Variants in ANO6 observed in about 807,000 individuals in gnomAD.
ANO6 encodes the protein anoctamin-6.
A neutral mutation model predicts 117.5 loss-of-function variants in ANO6; 106 were observed. The ratio of observed to expected loss-of-function variants is 0.90; its 90% CI spans 0.77 to 1.06. ANO6 has a LOEUF of 1.06. Among genes scored for constraint, ANO6 ranks in the 50% least tolerant of loss-of-function variants. The probability of loss-of-function intolerance (pLI) is 0.00; values close to 1 mark genes in which losing one functional copy is unlikely to be tolerated. For synonymous variants in ANO6, 367 were observed against 385.1 expected, an observed-to-expected ratio of 0.95 and a Z score of 0.55; for missense variants, 955 against 1,121.1, an observed-to-expected ratio of 0.85 and a Z score of 2.12.
intron 8 of ANO6, among the ~76,000 whole-genome samples, chr12:45,360,234 G>T (rs1273926704): frequency 6.6e-6 from 1 of 152,200 alleles, no homozygotes; most frequent in African/African-American, 2.4e-5. Flanking sequence ...GTAAAGAATA[G>T]AAATCTACTT....
At chr12:45,349,346 T>G (rs1162443753) in intron 6 of ANO6, among the ~76,000 whole-genome samples, 4 of 152,118 alleles carry the variant, frequency 2.6e-5, no homozygotes, top group African/African-American at 4.8e-5. Flanking sequence ...ATGGTTGACA[T>G]TTTTTTAAGG....
At chr12:45,238,151 C>CTTTTTTTT (rs71437709) in intron 1 of ANO6, among the ~76,000 whole-genome samples, 10 of 130,870 alleles carry the variant, frequency 7.6e-5, no homozygotes, top group South Asian at 2.5e-4. Context: ...TTTTCTTTTT[C>CTTTTTTTT]TTTTTTTTTT....
At position 45,348,651 on chromosome 12, in the gene ANO6, T is replaced by A; in HGVS notation, c.747+20T>A. On this transcript the variant is annotated intron_variant, in intron 6 of 19. Transcript: ENST00000320560. Reference sequence around the variant, plus strand: ...CATGATGTAAGTTAAAAGGCAAAAATGAACTAAAAGGCCTTCTGTATACTC... The same window carrying A: ...CATGATGTAAGTTAAAAGGCAAAAAAGAACTAAAAGGCCTTCTGTATACTC... The A allele has an allele frequency of 6.3e-7, 1 of 1,586,932 alleles. No homozygotes were observed. Among genetic ancestry groups the A allele is most frequent in the Non-Finnish European group, 8.7e-7 (1 of 1,155,354 alleles).
intron 9 of ANO6, among the ~76,000 whole-genome samples, chr12:45,377,013 ATAAC>A (rs1282567575): frequency 1.3e-5 from 2 of 152,120 alleles, no homozygotes; most frequent in Non-Finnish European, 2.9e-5. Flanking sequence ...TTTTATGAAG[ATAAC>A]TAATATTTTT....
At chr12:45,421,739 A>G (rs891748870) in intron 18 of ANO6, among the ~76,000 whole-genome samples, 2 of 152,244 alleles carry the variant, frequency 1.3e-5, no homozygotes, top group Admixed American at 1.3e-4. Context: ...CTCACATAAC[A>G]GGGACATACA....
downstream of ANO6, among the ~76,000 whole-genome samples, chr12:45,434,187 T>C (rs1421229947): frequency 2.0e-5 from 3 of 152,218 alleles, no homozygotes; most frequent in African/African-American, 7.2e-5. Context: ...CTCAAGCAAG[T>C]AGACTGTGAT....
intron 19 of ANO6, among the ~76,000 whole-genome samples, chr12:45,425,099 C>T (rs895652456): frequency 6.6e-6 from 1 of 151,806 alleles, no homozygotes; most frequent in Non-Finnish European, 1.5e-5. Context: ...ATTTAAAAAG[C>T]AAGAAACTAA....
chr12:45,421,349 T>G, intron 18 of ANO6, 76 bp downstream of exon 18: 4 of 1,448,888 alleles, frequency 2.8e-6, no homozygotes, highest in Non-Finnish European at 3.8e-6. Context: ...TTCTGTTTGG[T>G]GTCATTTTTA....
At chr12:45,254,849 G>A (rs1937755329) in intron 1 of ANO6, among the ~76,000 whole-genome samples, 1 of 152,138 alleles carries the variant, frequency 6.6e-6, no homozygotes, top group South Asian at 2.1e-4. Flanking sequence ...GAATAAAAGA[G>A]CAGTTTCCTG....
intron 1 of ANO6, among the ~76,000 whole-genome samples, chr12:45,252,047 A>T: frequency 6.6e-6 from 1 of 152,224 alleles, no homozygotes; most frequent in South Asian, 2.1e-4. Context: ...TAATATAAAG[A>T]ATACTGTGAT....
intron 15 of ANO6, 69 bp from the exon 16 acceptor site, chr12:45,409,288 C>G: frequency 6.3e-7 from 1 of 1,582,620 alleles, no homozygotes; most frequent in Non-Finnish European, 8.7e-7. Context: ...TTTGAGATAG[C>G]AGCAAAATAT....
intron 1 of ANO6, among the ~76,000 whole-genome samples, chr12:45,225,913 G>A (rs1947475824): frequency 6.6e-6 from 1 of 152,150 alleles, no homozygotes; most frequent in Non-Finnish European, 1.5e-5. Context: ...CCAACGAAAT[G>A]TACTACTCAA....
chr12:45,366,867 G>C (rs1941698226), intron 8 of ANO6, among the ~76,000 whole-genome samples: 1 of 152,108 alleles, frequency 6.6e-6, no homozygotes, highest in African/African-American at 2.4e-5. Flanking sequence ...TACTTTTTAA[G>C]AATTATTTCC....
intron 1 of ANO6, among the ~76,000 whole-genome samples, chr12:45,277,069 T>C (rs1277202405): frequency 6.6e-6 from 1 of 152,146 alleles, no homozygotes; most frequent in African/African-American, 2.4e-5. Flanking sequence ...TATTTTTCAG[T>C]TTTAGGCATT....
intron 8 of ANO6, among the ~76,000 whole-genome samples, chr12:45,365,952 C>G (rs1941673101): frequency 6.6e-6 from 1 of 152,098 alleles, no homozygotes; most frequent in Admixed American, 6.5e-5. Context: ...AGAGGGTTTT[C>G]CAAGATCTTT....
rs1187848395 is a variant in ANO6 at position 45,403,232 on chromosome 12, A to G, written c.1773A>G (p.Arg591=). 1.2e-6 allele frequency: 2 copies of G among 1,613,882 alleles called. No individual in the cohort carries two copies. The highest frequency in any genetic ancestry group is 1.7e-5 in the Admixed American group (1 of 60,014). ...CAGTTTATTGGTTGGGAAAATACAG[A>G]AATGAAGAGGTATGAATATATAATT... ...GDPVYWLGKY[R]NEECDPGGCL... The change falls in exon 14 of 20, where the codon AGA becomes AGG. Residue 591 remains arginine (R), a synonymous_variant. Coordinates refer to ENST00000320560, the MANE Select transcript of ANO6 (RefSeq NM_001025356.3).
chr12:45,392,131 G>T (rs896355969), intron 12 of ANO6, among the ~76,000 whole-genome samples: 2 of 152,184 alleles, frequency 1.3e-5, no homozygotes, highest in African/African-American at 4.8e-5. Flanking sequence ...CTGGAAGAAC[G>T]GGACACCCCC....
chr12:45,379,096 T>C (rs747754291), intron 10 of ANO6, among the ~76,000 whole-genome samples: 1 of 152,218 alleles, frequency 6.6e-6, no homozygotes, highest in Non-Finnish European at 1.5e-5. Context: ...GCATTTCCAA[T>C]TTCATTGTGT....
At chr12:45,404,491 A>G (rs923434221) in intron 15 of ANO6, among the ~76,000 whole-genome samples, 1 of 152,156 alleles carries the variant, frequency 6.6e-6, no homozygotes, top group Non-Finnish European at 1.5e-5. Context: ...CTGGACTAAA[A>G]TCAAGGTGTT....
Sources: gnomAD v4.1 joint callset for allele counts (sites outside exome capture counted in the v4.1 genomes callset) on GRCh38, gnomAD v4.1.1 for gene constraint, MANE v1.5 for transcripts, NCBI Gene and HGNC (gene_info 2026-07-23, HGNC 2026-07-21) for gene names.